Variants in CFAP20DC observed in about 807,000 individuals in gnomAD.
CFAP20DC encodes protein CFAP20DC.
In CFAP20DC, 84 loss-of-function variants were observed where a neutral mutation model predicts 101.7. The observed-to-expected ratio is 0.83, with a 90% confidence interval of 0.69 to 0.99. The LOEUF is 0.99. CFAP20DC is among the 50% of genes least tolerant of loss of function. CFAP20DC has a pLI of 0.00. For synonymous variants in CFAP20DC, 359 were observed against 351.2 expected (o/e 1.02, Z -0.25); for missense variants, 1,007 against 970.3 (o/e 1.04, Z -0.50).
chr3:58,733,923 CTAACTT>C (rs987173827), intron 3 of CFAP20DC, among the ~76,000 whole-genome samples: 1 of 152,150 alleles, frequency 6.6e-6, no homozygotes, highest in Non-Finnish European at 1.5e-5. Flanking sequence ...ATATGAAGCT[CTAACTT>C]TAATATATTA....
At chr3:58,966,794 C>T (rs1289682868) in intron 4 of CFAP20DC, among the ~76,000 whole-genome samples, 2 of 151,668 alleles carry the variant, frequency 1.3e-5, no homozygotes, top group African/African-American at 2.4e-5. Context: ...CAGGATGCTG[C>T]GATTACAGGC....
intron 14 of CFAP20DC, among the ~76,000 whole-genome samples, chr3:58,824,099 C>A (rs569128654): frequency 1.3e-5 from 2 of 152,162 alleles, no homozygotes; most frequent in African/African-American, 2.4e-5. Flanking sequence ...TTTCGTATAT[C>A]ATTTCTATAG....
At chr3:58,731,198 T>C (rs2067639641) in intron 3 of CFAP20DC, among the ~76,000 whole-genome samples, 1 of 152,170 alleles carries the variant, frequency 6.6e-6, no homozygotes, top group South Asian at 2.1e-4. Context: ...GTGTATGCAG[T>C]AGGGGAAAGT....
intron 7 of CFAP20DC, among the ~76,000 whole-genome samples, chr3:58,875,160 T>C (rs942664417): frequency 2.6e-5 from 4 of 152,258 alleles, no homozygotes; most frequent in Admixed American, 6.5e-5. Flanking sequence ...AGCAGTGCTA[T>C]GGCACTGCAG....
chr3:58,716,193 C>T (rs1052451063), downstream of CFAP20DC, among the ~76,000 whole-genome samples: 22 of 116,218 alleles, frequency 1.9e-4, no homozygotes, highest in Admixed American at 1.2e-3. Context: ...CTCGCTCTGT[C>T]GCCCAGGCGG....
At position 58,964,770 on chromosome 3, in the gene CFAP20DC, T is replaced by C. The variant is rs987618676; in HGVS notation, c.279-27008A>G. Among the ~76,000 whole-genome samples, 1 of 152,324 alleles carries C rather than the reference T, an allele frequency of 6.6e-6. No individual in the cohort carries two copies. Among genetic ancestry groups the C allele is most frequent in the African/African-American group, 2.4e-5 (1 of 41,582 alleles). On this transcript the variant is annotated intron_variant, in intron 4 of 16. Transcript: ENST00000482387. The surrounding 1 kb of genome is among the most constrained non-coding windows in gnomAD (Gnocchi z 4.1). ...ACCTAAAACGGAACCATAATTAACA[T>C]AGCTCCTATTAGATTTTGGTGATTA...
In CFAP20DC at chr3:59,014,431, C is replaced by T. The variant is rs2093648919; in HGVS notation, c.278+25126G>A. ...CTTTTTAACTAAATATTAACTGAAA[C>T]TTTATGATATCTATAATCCAAATAG... On this transcript the variant is annotated intron_variant, in intron 4 of 16. Coordinates refer to ENST00000482387, the MANE Select transcript of CFAP20DC (RefSeq NM_001394063.1). This position sits in a 1 kb window ranked among gnomAD's most constrained non-coding sequence, Gnocchi z 4.9. Among the ~76,000 whole-genome samples the T allele has an allele frequency of 6.6e-6, 1 of 152,082 alleles. No homozygotes were observed. Among genetic ancestry groups the T allele is most frequent in the African/African-American group, 2.4e-5 (1 of 41,422 alleles).
chr3:58,800,051 CA>C lies in CFAP20DC; in HGVS notation c.2237+6343del, dbSNP rs764544319. ...ACCAGTAGAGATCGAGCAAGGTGCTCAGTGGTGTGAAACACCATCTGAGAGG... is the reference window on the plus strand; with the variant it reads ...ACCAGTAGAGATCGAGCAAGGTGCTCGTGGTGTGAAACACCATCTGAGAGG... On this transcript the variant is annotated intron_variant, in intron 15 of 16. Coordinates refer to ENST00000482387, the MANE Select transcript of CFAP20DC (RefSeq NM_001394063.1). Among the ~76,000 whole-genome samples, 120 of 152,262 alleles carry C rather than the reference CA, an allele frequency of 7.9e-4. 1 individual carries two copies. Among genetic ancestry groups the C allele is most frequent in the Admixed American group, 1.5e-3 (23 of 15,296 alleles).
intron 4 of CFAP20DC, among the ~76,000 whole-genome samples, chr3:58,946,587 C>G (rs1184626744): frequency 6.6e-6 from 1 of 152,120 alleles, no homozygotes; most frequent in East Asian, 1.9e-4. Context: ...TATCCACTAC[C>G]CCAGTATCGC....
At chr3:58,856,265 G>C (rs1161163716) in intron 12 of CFAP20DC, among the ~76,000 whole-genome samples, 22 of 124,122 alleles carry the variant, frequency 1.8e-4, no homozygotes, top group South Asian at 3.1e-4. Context: ...TTCATCTTCT[G>C]ACACACACAC....
intron 16 of CFAP20DC, among the ~76,000 whole-genome samples, chr3:58,752,716 TCA>T (rs2068658578): frequency 6.6e-6 from 1 of 152,052 alleles, no homozygotes; most frequent in South Asian, 2.1e-4. Context: ...AGATAATAAA[TCA>T]CAGAGACATC....
chr3:58,974,036 A>G (rs1217264872), intron 4 of CFAP20DC, among the ~76,000 whole-genome samples: 17 of 152,096 alleles, frequency 1.1e-4, no homozygotes, highest in Non-Finnish European at 2.2e-4. Flanking sequence ...GGAGGACAGG[A>G]GCGGGCTACC....
intron 14 of CFAP20DC, among the ~76,000 whole-genome samples, chr3:58,811,135 T>G (rs547394447): frequency 6.6e-6 from 1 of 152,010 alleles, no homozygotes; most frequent in Admixed American, 6.6e-5. Flanking sequence ...CTGCCCAAGG[T>G]AATTTATAGA....
chr3:59,000,862 T>TTGCGGGAAGAAAGTAGAGGAACCG (rs2093289817), intron 4 of CFAP20DC, among the ~76,000 whole-genome samples: 1 of 152,096 alleles, frequency 6.6e-6, no homozygotes, highest in Non-Finnish European at 1.5e-5. Context: ...AGGTGAATAA[T>TTGCGGGAAGAAAGTAGAGGAACCG]ATATGAAAAA....
At position 58,728,594 on chromosome 3, in the gene CFAP20DC, G is replaced by A. The variant is rs528572313; in HGVS notation, c.198-10966C>T. Among the ~76,000 whole-genome samples the A allele has an allele frequency of 3.3e-5, 5 of 152,284 alleles. No individual in the cohort carries two copies. The South Asian group carries it at 6.2e-4, about 19-fold the overall frequency. ...GATTATTCTGTGCTGAGCTAGCACAGAATTAAGTCAGTAACTTAAAAACAT... is the reference window on the plus strand; with the variant it reads ...GATTATTCTGTGCTGAGCTAGCACAAAATTAAGTCAGTAACTTAAAAACAT... On this transcript the variant is annotated intron_variant, in intron 3 of 3. Coordinates refer to the CFAP20DC transcript ENST00000486145. The surrounding 1 kb of genome is among the most constrained non-coding windows in gnomAD (Gnocchi z 4.7).
rs958908599 is a variant in CFAP20DC at position 58,864,718 on chromosome 3, A to G, written c.1259-826T>C. The stretch of plus-strand genomic sequence containing the variant: ...ATTTCCTCTCTATTCTACTGATTCA[A>G]ACAGGACAATTCACAGACTAAACCA... On this transcript the variant is annotated intron_variant, in intron 11 of 16. Transcript: ENST00000482387. This position sits in a 1 kb window ranked among gnomAD's most constrained non-coding sequence, Gnocchi z 4.7. Among the ~76,000 whole-genome samples the G allele has an allele frequency of 1.3e-5, 2 of 152,198 alleles. No homozygotes were observed. The highest frequency in any genetic ancestry group is 2.9e-5 in the Non-Finnish European group (2 of 68,032).
chr3:58,722,027 G>T lies in CFAP20DC; in HGVS notation c.198-4399C>A, dbSNP rs2067480059. On this transcript the variant is annotated intron_variant, in intron 3 of 3. Transcript: ENST00000486145. The surrounding 1 kb of genome is among the most constrained non-coding windows in gnomAD (Gnocchi z 4.5). ...GGGACTAGTTCAGAAAAGGTCATGA[G>T]CTTTGTTTTCTTTTTACCTAGCTCA... 6.6e-6 allele frequency among the ~76,000 whole-genome samples: 1 copy of T among 152,212 alleles called. No individual in the cohort carries two copies. The highest frequency in any genetic ancestry group is 2.1e-4 in the South Asian group (1 of 4,826).
At chr3:58,815,872 G>C (rs1300316190) in intron 14 of CFAP20DC, among the ~76,000 whole-genome samples, 1 of 151,210 alleles carries the variant, frequency 6.6e-6, no homozygotes, top group African/African-American at 2.5e-5. Context: ...AGGTGCTGGA[G>C]AGGATGTGGA....
At chr3:58,776,753 G>A (rs1164643460) in intron 15 of CFAP20DC, among the ~76,000 whole-genome samples, 1 of 151,388 alleles carries the variant, frequency 6.6e-6, no homozygotes, top group East Asian at 1.9e-4. Flanking sequence ...AAGAACTTAA[G>A]AGGATTGAGG....
Sources: gnomAD v4.1 joint callset for allele counts (sites outside exome capture counted in the v4.1 genomes callset) on GRCh38, gnomAD v4.1.1 for gene constraint, Gnocchi (gnomAD v3.1) non-coding constraint, MANE v1.5 for transcripts, NCBI Gene and HGNC (gene_info 2026-07-23, HGNC 2026-07-21) for gene names.